The following UTRN variants were observed in gnomAD, a reference collection of about 807,000 sequenced individuals.
UTRN encodes the protein utrophin.
A neutral mutation model predicts 463.9 loss-of-function variants in UTRN; 283 were observed. The ratio of observed to expected loss-of-function variants is 0.61; its 90% confidence interval spans 0.55 to 0.67. The LOEUF (loss-of-function observed/expected upper bound fraction) is 0.67, where lower values mean the gene tolerates loss of function less well. Ranked by LOEUF, UTRN falls within the 30% of genes least tolerant of loss-of-function variation. The pLI is 0.00. For missense variants in UTRN, 3,922 were observed against 4,084.3 expected, an observed-to-expected ratio of 0.96 and a Z score of 1.08; for synonymous variants, 1,442 against 1,431.5, an observed-to-expected ratio of 1.01 and a Z score of -0.17.
At chr6:144,781,391 A>G (rs1382007328) in intron 60 of UTRN, among the ~76,000 whole-genome samples, 1 of 152,210 alleles carries the variant, frequency 6.6e-6, no homozygotes, top group Non-Finnish European at 1.5e-5. Flanking sequence ...TTATTTTTCT[A>G]TAAAACCTGT....
intron 50 of UTRN, among the ~76,000 whole-genome samples, chr6:144,575,228 A>G (rs1278946170): frequency 4.6e-5 from 7 of 152,214 alleles, no homozygotes. Flanking sequence ...TTAAAATGAT[A>G]TGTTAAAAAA....
rs1436967967 is a variant in UTRN, at chr6:144,766,141, A to C, written c.8496-5766A>C. 5.9e-5 allele frequency among the ~76,000 whole-genome samples: 9 copies of C among 152,090 alleles called. No individual in the cohort carries two copies. The East Asian group carries it at 1.7e-3, about 29-fold the overall frequency. On this transcript the variant is annotated intron_variant, in intron 58 of 74. Coordinates refer to ENST00000367545, the MANE Select transcript of UTRN (RefSeq NM_007124.3). ...CACACACCCACACCCACACCCACAC[A>C]CACACAAGCACGTGCACAGAGTGAG...
intron 17 of UTRN, among the ~76,000 whole-genome samples, chr6:144,450,734 TTATC>T (rs1403119967): frequency 1.3e-5 from 2 of 152,240 alleles, no homozygotes; most frequent in Non-Finnish European, 2.9e-5. Context: ...TCTTTGCTGA[TTATC>T]TAACCAACTC....
At chr6:144,473,096 A>G (rs760461174) in intron 23 of UTRN, among the ~76,000 whole-genome samples, 10 of 152,066 alleles carry the variant, frequency 6.6e-5, no homozygotes, top group Non-Finnish European at 1.0e-4. Context: ...CCTGGTTCCA[A>G]TGTTACCTTC....
At chr6:144,807,176 T>C (rs1345912406) in intron 65 of UTRN, among the ~76,000 whole-genome samples, 2 of 152,126 alleles carry the variant, frequency 1.3e-5, no homozygotes, top group Non-Finnish European at 2.9e-5. Context: ...TTCATCTCTT[T>C]CCTTTTCAAA....
rs1240434793 is a variant in UTRN at position 144,839,172 on chromosome 6, G to A, written c.10066-1G>A. 1 of 1,613,048 alleles carries A rather than the reference G, an allele frequency of 6.2e-7. No individual in the cohort carries two copies. The highest frequency in any genetic ancestry group is 8.5e-7 in the Non-Finnish European group (1 of 1,179,046). On this transcript the variant is annotated splice_acceptor_variant, in intron 71 of 74. Coordinates refer to ENST00000367545, the MANE Select transcript of UTRN (RefSeq NM_007124.3). LOFTEE classifies it high-confidence loss of function. ...GCTTTAACCTCTGAATGTGGTTCCA[G>A]CCTGAATCTGATTCCCGAATCAATG...
At chr6:144,820,757 A>G (rs1379141231) in intron 65 of UTRN, 125 bp from the exon 66 acceptor site, 5 of 1,203,614 alleles carry the variant, frequency 4.2e-6, no homozygotes, top group Non-Finnish European at 4.5e-6. Context: ...TTATTTCAAA[A>G]ATGCATAAAA....
intron 51 of UTRN, among the ~76,000 whole-genome samples, chr6:144,656,827 G>A (rs1269584105): frequency 6.6e-6 from 1 of 152,120 alleles, no homozygotes; most frequent in Non-Finnish European, 1.5e-5. Flanking sequence ...TTGTGTTTTA[G>A]TGAGAGTATA....
chr6:144,685,583 T>C (rs1423089851), intron 52 of UTRN, among the ~76,000 whole-genome samples: 1 of 152,198 alleles, frequency 6.6e-6, no homozygotes, highest in Non-Finnish European at 1.5e-5. Flanking sequence ...GGTATCTCAT[T>C]GTGGTTTTAC....
At chr6:144,425,266 A>AAAGTGATGTG (rs1485255248) in intron 6 of UTRN, among the ~76,000 whole-genome samples, 1 of 152,180 alleles carries the variant, frequency 6.6e-6, no homozygotes, top group Non-Finnish European at 1.5e-5. Context: ...GGACGTCACA[A>AAAGTGATGTG]AAGTGACGTG....
intron 19 of UTRN, among the ~76,000 whole-genome samples, chr6:144,454,311 A>C (rs1482341060): frequency 1.3e-5 from 2 of 152,090 alleles, no homozygotes; most frequent in Non-Finnish European, 2.9e-5. Context: ...TATTTACTAC[A>C]GTATTTTTAT....
chr6:144,429,557 G>A, intron 8 of UTRN, 24 bp from the exon 9 acceptor site: 1 of 1,584,246 alleles, frequency 6.3e-7, no homozygotes, highest in East Asian at 2.2e-5. Context: ...ATTTAAGCTG[G>A]TTCTTATATT....
intron 51 of UTRN, among the ~76,000 whole-genome samples, chr6:144,582,889 CTGT>C (rs746456059): frequency 2.7e-4 from 41 of 152,132 alleles, no homozygotes; most frequent in Admixed American, 1.3e-4. Context: ...AATGTATGGG[CTGT>C]TGTCATCAGA....
At chr6:144,680,464 A>C (rs1429674663) in intron 52 of UTRN, among the ~76,000 whole-genome samples, 1 of 152,212 alleles carries the variant, frequency 6.6e-6, no homozygotes, top group Non-Finnish European at 1.5e-5. Context: ...AAGGTAGATC[A>C]GACATTCCAG....
rs759154569 is a variant in UTRN at position 144,459,328 on chromosome 6, A to T, written c.2681A>T (p.Glu894Val). The change falls in exon 21 of 75, where the codon GAG becomes GTG. Residue 894 changes from glutamate to valine, a missense_variant. By Grantham distance (121) the Glu-to-Val change is moderately radical. Transcript: ENST00000367545. ...TACCAAGCTGTACAAGAGGCTGTAG[A>T]GGATCGTCAACAACATCTAGAGAAT... Reference protein sequence around the residue: ...GRYQAVQEAVEDRQQHLENEL... With the variant: ...GRYQAVQEAVVDRQQHLENEL... 3.1e-6 allele frequency: 5 copies of T among 1,607,306 alleles called. No individual in the cohort carries two copies. The highest frequency in any genetic ancestry group is 1.3e-5 in the African/African-American group (1 of 74,530).
At chr6:144,627,424 ACT>A (rs1776060807) in intron 51 of UTRN, among the ~76,000 whole-genome samples, 1 of 152,092 alleles carries the variant, frequency 6.6e-6, no homozygotes, top group Non-Finnish European at 1.5e-5. Flanking sequence ...CTATTTTGTA[ACT>A]CTGTTAATAT....
intron 51 of UTRN, chr6:144,583,602 TA>T: frequency 1.4e-6 from 1 of 692,496 alleles, no homozygotes; most frequent in Non-Finnish European, 2.7e-6. Context: ...CTCTGTAAGG[TA>T]ACTGAGTGAT....
Position 144,745,244 on chromosome 6 carries a change from CT to C in UTRN, c.7940-2992del, listed in dbSNP as rs558396522. Among the ~76,000 whole-genome samples the C allele has an allele frequency of 1.9e-3, 276 of 148,772 alleles. 1 individual carries two copies. Among genetic ancestry groups the C allele is most frequent in the African/African-American group, 4.7e-3 (192 of 40,634 alleles). ...GTCCTTTGATTTTCAAATGAGAGTA[CT>C]TTTTTTTTTAAGAATGCAATAATTT... On this transcript the variant is annotated intron_variant, in intron 54 of 74. Transcript: ENST00000367545.
chr6:144,479,665 C>CA lies in UTRN; in HGVS notation c.3337-146dup. 22 of 894,458 alleles carry CA rather than the reference C, an allele frequency of 2.5e-5. No homozygotes were observed. The South Asian group carries it at 4.2e-4, about 17-fold the overall frequency. 55.4% of individuals were successfully genotyped at this position (894,458 alleles called of 1,614,324 possible). On this transcript the variant is annotated intron_variant, in intron 25 of 74. Coordinates refer to ENST00000367545, the MANE Select transcript of UTRN (RefSeq NM_007124.3). ...TACTGCTTATATTCCACAGCGTTAG[C>CA]ATGAGATGTATGAGATTTTATCTGA... is the stretch of plus-strand genomic sequence containing the variant.
Sources: allele counts gnomAD v4.1 joint callset (sites outside exome capture counted in the v4.1 genomes callset), GRCh38; gene constraint gnomAD v4.1.1; transcripts MANE v1.5; gene names NCBI Gene and HGNC (gene_info 2026-07-23, HGNC 2026-07-21).